Variants in NBEA observed in about 807,000 individuals in gnomAD.
NBEA encodes lysosomal-trafficking regulator 2.
Under a neutral mutation model 343.4 loss-of-function variants are expected in NBEA, and 44 were observed. That is an observed-to-expected ratio of 0.13 (90% CI 0.10 to 0.16). The LOEUF (loss-of-function observed/expected upper bound fraction) is 0.16, where lower values mean the gene tolerates loss of function less well. NBEA is among the 10% of genes least tolerant of loss of function. NBEA has a pLI of 1.00. For synonymous variants in NBEA, 1,175 were observed against 1,238.7 expected, an observed-to-expected ratio of 0.95 and a Z score of 1.08; for missense variants, 2,555 against 3,631.3, an observed-to-expected ratio of 0.70 and a Z score of 7.62.
At chr13:35,620,380 T>A (rs984347159) in intron 48 of NBEA, among the ~76,000 whole-genome samples, 5 of 151,770 alleles carry the variant, frequency 3.3e-5, no homozygotes, top group African/African-American at 1.2e-4. Context: ...GCCAAGTGAC[T>A]CTCTTGGGGA....
intron 1 of NBEA, among the ~76,000 whole-genome samples, chr13:34,980,538 TTAATCC>T (rs2060323589): frequency 6.6e-6 from 1 of 152,068 alleles, no homozygotes; most frequent in Non-Finnish European, 1.5e-5. Context: ...ATGTTGAAAC[TTAATCC>T]TAATGCAACA....
At chr13:34,972,006 T>A (rs976254590) in intron 1 of NBEA, among the ~76,000 whole-genome samples, 3 of 152,120 alleles carry the variant, frequency 2.0e-5, no homozygotes, top group African/African-American at 7.2e-5. Flanking sequence ...TATTACTGCC[T>A]CAATTTCAGA....
chr13:35,189,100 G>T (rs913719835), intron 30 of NBEA, among the ~76,000 whole-genome samples: 1 of 151,684 alleles, frequency 6.6e-6, no homozygotes, highest in Non-Finnish European at 1.5e-5. Context: ...TGTATTTTTA[G>T]TAGAGACGAG....
chr13:34,948,628 A>G (rs1201557837), intron 1 of NBEA, among the ~76,000 whole-genome samples: 1 of 152,212 alleles, frequency 6.6e-6, no homozygotes, highest in Non-Finnish European at 1.5e-5. Flanking sequence ...GTATCTGGAA[A>G]TGACACATTG....
intron 34 of NBEA, among the ~76,000 whole-genome samples, chr13:35,284,025 G>A (rs1048327437): frequency 4.2e-5 from 6 of 143,042 alleles, no homozygotes; most frequent in Non-Finnish European, 4.7e-5. Flanking sequence ...CCACACAGAT[G>A]CATGTACACA....
At chr13:35,166,398 G>A (rs1593581031) in intron 24 of NBEA, among the ~76,000 whole-genome samples, 1 of 152,066 alleles carries the variant, frequency 6.6e-6, no homozygotes, top group African/African-American at 2.4e-5. Context: ...AGATACTGAC[G>A]CTTTGAGGTT....
At chr13:35,589,634 A>G (rs2081437150) in intron 46 of NBEA, among the ~76,000 whole-genome samples, 1 of 152,144 alleles carries the variant, frequency 6.6e-6, no homozygotes. Context: ...AAAATCGTGT[A>G]AGACAGAAGA....
chr13:35,187,845 A>G (rs995750636), intron 30 of NBEA, among the ~76,000 whole-genome samples: 1 of 152,060 alleles, frequency 6.6e-6, no homozygotes, highest in African/African-American at 2.4e-5. Flanking sequence ...TTTGCTCACT[A>G]TGAAACCATC....
chr13:35,508,641 C>G (rs2077159843), intron 41 of NBEA, among the ~76,000 whole-genome samples: 2 of 152,068 alleles, frequency 1.3e-5, no homozygotes, highest in Non-Finnish European at 2.9e-5. Context: ...AACATTCATT[C>G]AGAATGACCA....
chr13:35,244,401 T>C (rs1566510415), intron 34 of NBEA, among the ~76,000 whole-genome samples: 1 of 152,026 alleles, frequency 6.6e-6, no homozygotes, highest in South Asian at 2.1e-4. Flanking sequence ...TTTTATTTGC[T>C]TTGTTGAAGA....
At chr13:35,291,235 G>A (rs191083852) in intron 35 of NBEA, among the ~76,000 whole-genome samples, 5 of 151,872 alleles carry the variant, frequency 3.3e-5, no homozygotes, top group African/African-American at 1.2e-4. Flanking sequence ...TTTATTCGTA[G>A]TTTCCTCAGT....
intron 47 of NBEA, among the ~76,000 whole-genome samples, chr13:35,603,728 G>A (rs1278003187): frequency 6.6e-6 from 1 of 152,128 alleles, no homozygotes; most frequent in Non-Finnish European, 1.5e-5. Context: ...GGCAGTAAGG[G>A]AAACACCTGA....
intron 18 of NBEA, among the ~76,000 whole-genome samples, chr13:35,155,306 T>C (rs1330876396): frequency 2.0e-5 from 3 of 152,020 alleles, no homozygotes; most frequent in African/African-American, 7.2e-5. Flanking sequence ...TTAAAGAGTT[T>C]AGAAGTATGT....
chr13:35,416,424 T>G (rs1021611235), intron 38 of NBEA, among the ~76,000 whole-genome samples: 1 of 152,182 alleles, frequency 6.6e-6, no homozygotes, highest in African/African-American at 2.4e-5. Flanking sequence ...GTCCCATCAA[T>G]ACCTACTTTA....
intron 8 of NBEA, among the ~76,000 whole-genome samples, chr13:35,060,763 A>G (rs2063439704): frequency 6.6e-6 from 1 of 151,590 alleles, no homozygotes; most frequent in South Asian, 2.1e-4. Context: ...AATGCATTTG[A>G]TCAGATTGTG....
At chr13:35,119,164 T>C (rs1177705012) in intron 16 of NBEA, among the ~76,000 whole-genome samples, 1 of 152,208 alleles carries the variant, frequency 6.6e-6, no homozygotes, top group Non-Finnish European at 1.5e-5. Context: ...ACTTGGTAGA[T>C]AGGTGAAATA....
chr13:34,992,055 C>CT (rs1424207891), intron 1 of NBEA, among the ~76,000 whole-genome samples: 2 of 149,052 alleles, frequency 1.3e-5, no homozygotes, highest in African/African-American at 4.9e-5. Flanking sequence ...TATTCTCTGC[C>CT]TTTTTTTTAA....
At chr13:35,487,836 T>G (rs1316821138) in intron 41 of NBEA, among the ~76,000 whole-genome samples, 1 of 151,912 alleles carries the variant, frequency 6.6e-6, no homozygotes, top group East Asian at 1.9e-4. Flanking sequence ...CTTTGGCATC[T>G]TTTAAGTCAC....
intron 41 of NBEA, among the ~76,000 whole-genome samples, chr13:35,474,004 G>C (rs2075760130): frequency 6.6e-6 from 1 of 152,088 alleles, no homozygotes; most frequent in Non-Finnish European, 1.5e-5. Context: ...GAAAGGAATT[G>C]TCTTACAAGT....
Sources: gnomAD v4.1 joint callset for allele counts (sites outside exome capture counted in the v4.1 genomes callset) on GRCh38, gnomAD v4.1.1 for gene constraint, MANE v1.5 for transcripts, NCBI Gene and HGNC (gene_info 2026-07-23, HGNC 2026-07-21) for gene names.